Variants in TULP4 observed in about 807,000 individuals in gnomAD.
The protein encoded by TULP4 is tubby-related protein 4.
A neutral mutation model predicts 129.0 loss-of-function variants in TULP4; 16 were observed. That is an observed-to-expected ratio of 0.12 (90% CI 0.08 to 0.19). The LOEUF (loss-of-function observed/expected upper bound fraction) is 0.19, where lower values mean the gene tolerates loss of function less well. TULP4 is among the 10% of genes least tolerant of loss of function. The pLI, the probability that TULP4 is intolerant of heterozygous loss-of-function variation, is 1.00. For synonymous variants in TULP4, 998 were observed against 854.0 expected, an observed-to-expected ratio of 1.17 and a Z score of -2.94; for missense variants, 1,842 against 2,059.1, an observed-to-expected ratio of 0.89 and a Z score of 2.04.
At chr6:158,299,130 G>A (rs62437360) in intron 1 of TULP4, among the ~76,000 whole-genome samples, 26,192 of 151,612 alleles carry the variant, frequency 0.17, 2,695 homozygotes, top group Middle Eastern at 0.25. Context: ...TCCATACTAG[G>A]CCTCGGTCGG....
intron 13 of TULP4, among the ~76,000 whole-genome samples, chr6:158,505,128 G>T (rs1281862911): frequency 6.6e-6 from 1 of 152,138 alleles, no homozygotes. Flanking sequence ...TTCTCGAACC[G>T]GATGTTATCT....
chr6:158,459,687 G>T (rs1562575447), intron 5 of TULP4, among the ~76,000 whole-genome samples: 1 of 152,176 alleles, frequency 6.6e-6, no homozygotes, highest in South Asian at 2.1e-4. Context: ...TGCAGTTCAG[G>T]TGAGGAGCTG....
intron 3 of TULP4, among the ~76,000 whole-genome samples, chr6:158,448,437 A>G (rs768253674): frequency 2.6e-5 from 4 of 152,236 alleles, no homozygotes; most frequent in Admixed American, 6.5e-5. Flanking sequence ...AAATTAATAC[A>G]TTAATACTAT....
At chr6:158,458,997 T>A (rs1779356624) in intron 5 of TULP4, among the ~76,000 whole-genome samples, 1 of 152,234 alleles carries the variant, frequency 6.6e-6, no homozygotes, top group African/African-American at 2.4e-5. Flanking sequence ...CTCACATACG[T>A]TGCTATATCG....
intron 2 of TULP4, among the ~76,000 whole-genome samples, chr6:158,420,671 A>G (rs1230256013): frequency 1.3e-5 from 2 of 151,598 alleles, no homozygotes; most frequent in Non-Finnish European, 2.9e-5. Context: ...TTTAGTAGAG[A>G]CGAGGTTTCA....
intron 1 of TULP4, among the ~76,000 whole-genome samples, chr6:158,330,947 C>A (rs1373262960): frequency 1.3e-5 from 2 of 151,948 alleles, no homozygotes; most frequent in Non-Finnish European, 2.9e-5. Flanking sequence ...TTAATCATCC[C>A]AAGCCAGAAT....
intron 1 of TULP4, among the ~76,000 whole-genome samples, chr6:158,388,387 T>TG (rs1386809835): frequency 1.9e-4 from 25 of 130,784 alleles, no homozygotes; most frequent in African/African-American, 7.4e-4. Flanking sequence ...TGGAGTGCAG[T>TG]GGGGTGATCT....
chr6:158,332,371 G>A (rs1052840848), intron 1 of TULP4, among the ~76,000 whole-genome samples: 6 of 151,962 alleles, frequency 3.9e-5, no homozygotes, highest in African/African-American at 1.4e-4. Context: ...CACATAGCAC[G>A]GAAGTTTGTT....
At chr6:158,242,046 T>C in intron 1 of TULP4, 1 of 794,540 alleles carries the variant, frequency 1.3e-6, no homozygotes, top group South Asian at 1.3e-5. Flanking sequence ...CTAGTAACCC[T>C]ACATCCGTTG....
Position 158,313,192 on chromosome 6 carries a change from C to A in TULP4, c.-825C>A, listed in dbSNP as rs1014881410. 6 of 301,422 alleles carry A rather than the reference C, an allele frequency of 2.0e-5. No homozygotes were observed. In the Admixed American group the frequency reaches 3.0e-4, roughly 15 times the overall value. 18.7% of individuals were successfully genotyped at this position (301,422 alleles called of 1,614,324 possible). ...ACATTCTGCCTCTTGAGTGAAGGGG[C>A]CTTCTTTCTAGCCTCTATGGCACTG... is the stretch of plus-strand genomic sequence containing the variant. On this transcript the variant is annotated 5_prime_UTR_variant, in exon 1 of 14. Coordinates refer to ENST00000367097, the MANE Select transcript of TULP4 (RefSeq NM_020245.5).
At chr6:158,325,586 T>A (rs1394958885) in intron 1 of TULP4, among the ~76,000 whole-genome samples, 1 of 152,074 alleles carries the variant, frequency 6.6e-6, no homozygotes, top group Non-Finnish European at 1.5e-5. Flanking sequence ...TCTCCTGACC[T>A]CGTGATCCGC....
intron 3 of TULP4, among the ~76,000 whole-genome samples, chr6:158,435,219 C>G (rs1412243642): frequency 6.6e-6 from 1 of 152,218 alleles, no homozygotes; most frequent in Non-Finnish European, 1.5e-5. Flanking sequence ...AGGGTAGCCC[C>G]CTGTCCTGGG....
At chr6:158,372,777 A>G (rs1479082084) in intron 1 of TULP4, among the ~76,000 whole-genome samples, 4 of 152,282 alleles carry the variant, frequency 2.6e-5, no homozygotes, top group Middle Eastern at 3.4e-3. Flanking sequence ...CAGCTCCACC[A>G]TATTTCTAAA....
intron 1 of TULP4, among the ~76,000 whole-genome samples, chr6:158,363,346 A>G (rs1051731879): frequency 7.9e-5 from 12 of 152,256 alleles, no homozygotes; most frequent in African/African-American, 2.4e-5. Flanking sequence ...ACATTTGTGT[A>G]TAAATCACTG....
intron 1 of TULP4, among the ~76,000 whole-genome samples, chr6:158,263,234 C>T (rs1364710186): frequency 2.0e-5 from 3 of 152,310 alleles, no homozygotes; most frequent in Admixed American, 6.5e-5. Flanking sequence ...TGAAAGGCCA[C>T]GACAGGTTGT....
At chr6:158,423,609 G>GTTT (rs1258862871) in intron 2 of TULP4, among the ~76,000 whole-genome samples, 1 of 117,460 alleles carries the variant, frequency 8.5e-6, no homozygotes, top group Non-Finnish European at 2.0e-5. Flanking sequence ...ATTTAAACTT[G>GTTT]TTTGTTGTTA....
chr6:158,415,485 G>A (rs1329886391), intron 2 of TULP4, among the ~76,000 whole-genome samples: 1 of 150,630 alleles, frequency 6.6e-6, no homozygotes, highest in Admixed American at 6.6e-5. Context: ...GAGTAGCTGG[G>A]ACTACAGACA....
chr6:158,475,632 G>C (rs973784404), intron 6 of TULP4, among the ~76,000 whole-genome samples: 2 of 152,148 alleles, frequency 1.3e-5, no homozygotes, highest in South Asian at 2.1e-4. Context: ...TTAGGGAGGA[G>C]GTACCTTCAG....
At chr6:158,432,689 C>T (rs148103423) in intron 3 of TULP4, among the ~76,000 whole-genome samples, 119 of 152,226 alleles carry the variant, frequency 7.8e-4, no homozygotes, top group Admixed American at 4.8e-3. Flanking sequence ...GGTGAAACCC[C>T]GTCTGTACTA....
Sources: gnomAD v4.1 joint callset for allele counts (sites outside exome capture counted in the v4.1 genomes callset) on GRCh38, gnomAD v4.1.1 for gene constraint, MANE v1.5 for transcripts, NCBI Gene and HGNC (gene_info 2026-07-23, HGNC 2026-07-21) for gene names.